The following PTK2 variants were observed in gnomAD, a reference collection of about 807,000 sequenced individuals.
The protein encoded by PTK2 is focal adhesion kinase 1.
Under a neutral mutation model 150.1 loss-of-function variants are expected in PTK2, and 45 were observed. That is an observed-to-expected ratio of 0.30 (90% CI 0.24 to 0.38). The LOEUF is 0.38. PTK2 is among the 10% of genes least tolerant of loss of function. The pLI is 1.00. For missense variants in PTK2, 919 were observed against 1,307.3 expected (o/e 0.70, Z 4.58); for synonymous variants, 432 against 449.2 (o/e 0.96, Z 0.48).
intron 2 of PTK2, among the ~76,000 whole-genome samples, chr8:140,904,637 T>C (rs2100160111): frequency 6.6e-6 from 1 of 152,216 alleles, no homozygotes; most frequent in South Asian, 2.1e-4. Flanking sequence ...TGGGCTTTTT[T>C]TTGGTTGGTA....
chr8:140,830,771 C>A (rs1343671196), intron 7 of PTK2, among the ~76,000 whole-genome samples: 2 of 152,034 alleles, frequency 1.3e-5, no homozygotes, highest in African/African-American at 4.8e-5. Flanking sequence ...TTGGTTTTTT[C>A]TTTTTTTACC....
chr8:140,798,113 T>C (rs1169414143), intron 12 of PTK2, among the ~76,000 whole-genome samples: 1 of 152,164 alleles, frequency 6.6e-6, no homozygotes, highest in East Asian at 1.9e-4. Flanking sequence ...TAGTTTATGA[T>C]CTAGAGAAGA....
At chr8:140,819,101 C>T in intron 8 of PTK2, 81 bp from the exon 9 acceptor site, 1 of 1,395,874 alleles carries the variant, frequency 7.2e-7, no homozygotes, top group Non-Finnish European at 9.7e-7. Flanking sequence ...GATTTCTTTC[C>T]TACCAACTAC....
At chr8:140,845,856 T>C (rs996931292) in intron 7 of PTK2, among the ~76,000 whole-genome samples, 1 of 152,210 alleles carries the variant, frequency 6.6e-6, no homozygotes, top group Non-Finnish European at 1.5e-5. Flanking sequence ...GAAAAATTTC[T>C]AGTTATTCTA....
At chr8:140,743,780 CTT>C (rs1187773634) in intron 19 of PTK2, among the ~76,000 whole-genome samples, 22 of 138,874 alleles carry the variant, frequency 1.6e-4, no homozygotes, top group Admixed American at 2.9e-4. Flanking sequence ...TTTTTCTTTT[CTT>C]TTTTTTTTTT....
chr8:140,989,541 AAAG>A lies in PTK2; in HGVS notation c.-122+11581_-122+11583del, dbSNP rs61484846. On this transcript the variant is annotated intron_variant, in intron 1 of 31. Transcript: ENST00000522684. Reference sequence around the variant, plus strand: ...CAAATTAATGAATTTAAAAAAAAAAAAAGAAGACCTAATAGAAAAATACAGGCA... The same window carrying A: ...CAAATTAATGAATTTAAAAAAAAAAAAAGACCTAATAGAAAAATACAGGCA... Among the ~76,000 whole-genome samples the A allele has an allele frequency of 4.1e-3, 627 of 152,136 alleles. 8 individuals are homozygous for A. The highest frequency in any genetic ancestry group is 0.014 in the African/African-American group (585 of 41,508).
intron 3 of PTK2, among the ~76,000 whole-genome samples, chr8:140,887,605 TTC>T (rs2100152773): frequency 6.6e-6 from 1 of 152,226 alleles, no homozygotes; most frequent in South Asian, 2.1e-4. Context: ...CAAGCAGTCT[TTC>T]TGAGAATTTG....
intron 14 of PTK2, among the ~76,000 whole-genome samples, chr8:140,787,122 T>C (rs2100085411): frequency 1.3e-5 from 2 of 152,118 alleles, no homozygotes; most frequent in Admixed American, 6.6e-5. Flanking sequence ...TAAATCAACA[T>C]GGTAGCAATC....
chr8:140,850,561 T>TA (rs538920575), intron 5 of PTK2, among the ~76,000 whole-genome samples: 1,486 of 120,956 alleles, frequency 0.012, 22 homozygotes, highest in African/African-American at 0.035. Flanking sequence ...CCATCTCTAC[T>TA]AAAAAAAAAA....
intron 1 of PTK2, among the ~76,000 whole-genome samples, chr8:140,995,573 G>T (rs909253798): frequency 2.6e-5 from 4 of 151,878 alleles, no homozygotes; most frequent in African/African-American, 9.7e-5. Flanking sequence ...GGGAAAAGGT[G>T]GGCGGATTGC....
At chr8:140,833,138 GGT>G in intron 7 of PTK2, 1 of 487,240 alleles carries the variant, frequency 2.1e-6, no homozygotes, top group Non-Finnish European at 4.1e-6. Flanking sequence ...ACGAATACTA[GGT>G]ATTGCTTTTA....
At position 140,826,742 on chromosome 8, in the gene PTK2, G is replaced by A. The variant is rs150535583; in HGVS notation, c.648+3730C>T. Among the ~76,000 whole-genome samples the A allele has an allele frequency of 2.1e-3, 317 of 151,998 alleles. 1 individual carries two copies. The highest frequency in any genetic ancestry group is 6.1e-3 in the African/African-American group (254 of 41,446). ...CCAGCCAGGGCAACATGGTAAAACC[G>A]TGTCTCTACAGAAAAAAATACAAAA... On this transcript the variant is annotated intron_variant, in intron 8 of 31. Transcript: ENST00000522684.
chr8:140,701,209 A>G (rs1369563327), intron 25 of PTK2, among the ~76,000 whole-genome samples, 187 bp from the exon 29 acceptor site: 1 of 152,206 alleles, frequency 6.6e-6, no homozygotes. Flanking sequence ...AGCATCTTTA[A>G]AAAGTATGCA....
chr8:140,700,707 C>T (rs2100029721), intron 26 of PTK2, 184 bp downstream of exon 29: 4 of 570,022 alleles, frequency 7.0e-6, no homozygotes, highest in Non-Finnish European at 8.5e-6. Context: ...AACTCCTGAC[C>T]TCAGGTGATC....
At chr8:140,879,688 A>C (rs763135416) in intron 3 of PTK2, 51 bp from the exon 4 acceptor site, 3 of 1,267,546 alleles carry the variant, frequency 2.4e-6, no homozygotes, top group Non-Finnish European at 3.1e-6. Context: ...AAAAAAAAAA[A>C]AAAAAAAAAA....
At position 140,778,041 on chromosome 8, in the gene PTK2, A is replaced by T. The variant is rs565147991; in HGVS notation, c.1177+11433T>A. On this transcript the variant is annotated intron_variant, in intron 14 of 31. Coordinates refer to ENST00000522684, the Ensembl canonical transcript of PTK2. ...CTCACACGGCAGCCTTGGGAATGAG[A>T]TCTTTCCCCTTTGGCAAAACCTGTT... Among the ~76,000 whole-genome samples, 23 of 152,332 alleles carry T rather than the reference A, an allele frequency of 1.5e-4. 1 individual carries two copies. The highest frequency in any genetic ancestry group is 4.1e-4 in the South Asian group (2 of 4,834).
At chr8:140,791,872 G>A (rs1235427524) in intron 13 of PTK2, among the ~76,000 whole-genome samples, 4 of 152,108 alleles carry the variant, frequency 2.6e-5, no homozygotes, top group Admixed American at 2.6e-4. Flanking sequence ...TATGAGGAGT[G>A]ACAAAAACCA....
intron 29 of PTK2, among the ~76,000 whole-genome samples, chr8:140,670,695 C>A (rs907138376): frequency 1.3e-5 from 2 of 152,122 alleles, no homozygotes; most frequent in Non-Finnish European, 2.9e-5. Context: ...ACTATAACCA[C>A]ACCATTTCCA....
At chr8:140,999,390 T>C (rs1386328908) in intron 1 of PTK2, among the ~76,000 whole-genome samples, 1 of 152,256 alleles carries the variant, frequency 6.6e-6, no homozygotes, top group Non-Finnish European at 1.5e-5. Flanking sequence ...AATATTGATC[T>C]TGTTGTTTCT....
Sources: gnomAD v4.1 joint callset for allele counts (sites outside exome capture counted in the v4.1 genomes callset) on GRCh38, gnomAD v4.1.1 for gene constraint, MANE v1.5 for transcripts, NCBI Gene and HGNC (gene_info 2026-07-23, HGNC 2026-07-21) for gene names.